PLEKHA7: variants seen among roughly 807,000 people sequenced by gnomAD.
The protein encoded by PLEKHA7 is pleckstrin homology domain-containing family A member 7.
Under a neutral mutation model 170.0 loss-of-function variants are expected in PLEKHA7, and 104 were observed. That is an observed-to-expected ratio of 0.61 (90% CI 0.52 to 0.72). The LOEUF is 0.72. PLEKHA7 is among the 30% of genes least tolerant of loss of function. PLEKHA7 has a pLI of 0.00. For missense variants in PLEKHA7, 1,615 were observed against 1,671.7 expected (o/e 0.97, Z 0.59); for synonymous variants, 648 against 660.8 (o/e 0.98, Z 0.30).
intron 3 of PLEKHA7, chr11:16,881,565 G>A (rs1215815268): frequency 6.6e-6 from 1 of 152,220 alleles, no homozygotes; most frequent in Non-Finnish European, 1.5e-5. Context: ...GGGAGCAGTG[G>A]CTAGAGGTAA....
intron 3 of PLEKHA7, among the ~76,000 whole-genome samples, chr11:16,959,512 A>G (rs1324296577): frequency 6.6e-6 from 1 of 152,204 alleles, no homozygotes; most frequent in Non-Finnish European, 1.5e-5. Flanking sequence ...TTTCAGGTTC[A>G]GCACCCAATG....
intron 8 of PLEKHA7, among the ~76,000 whole-genome samples, chr11:16,844,197 G>T (rs763761375): frequency 6.6e-6 from 1 of 152,176 alleles, no homozygotes; most frequent in Non-Finnish European, 1.5e-5. Context: ...AGCCAGCCTT[G>T]TCCAGGAAAT....
chr11:16,851,171 T>C lies in PLEKHA7; in HGVS notation c.696+20A>G. On this transcript the variant is annotated intron_variant, in intron 8 of 26. Coordinates refer to ENST00000531066, the MANE Select transcript of PLEKHA7 (RefSeq NM_001329630.2). ...AGTTTCTTAGACAGAATGGCTGCATTAGAGGTGCAGGGGCAGTACCTTAAA... is the reference window on the plus strand; with the variant it reads ...AGTTTCTTAGACAGAATGGCTGCATCAGAGGTGCAGGGGCAGTACCTTAAA... 1 of 1,544,530 alleles carries C rather than the reference T, an allele frequency of 6.5e-7. No individual in the cohort carries two copies.
intron 3 of PLEKHA7, among the ~76,000 whole-genome samples, chr11:16,964,330 C>A: frequency 6.6e-6 from 1 of 152,150 alleles, no homozygotes; most frequent in Non-Finnish European, 1.5e-5. Context: ...TGGGTATATA[C>A]CTAGACATGA....
At chr11:16,803,459 T>C (rs910008248) in intron 13 of PLEKHA7, 164 bp from the exon 14 acceptor site, 6 of 644,598 alleles carry the variant, frequency 9.3e-6, no homozygotes, top group African/African-American at 9.1e-5. Flanking sequence ...GCTATTTCTA[T>C]GCCTATTTCA....
chr11:16,970,873 C>A (rs1373169598), intron 3 of PLEKHA7, among the ~76,000 whole-genome samples: 2 of 152,174 alleles, frequency 1.3e-5, no homozygotes, highest in South Asian at 4.1e-4. Flanking sequence ...GTTAAACCTA[C>A]AGGATTATAA....
chr11:16,896,937 G>T (rs1187398281), intron 3 of PLEKHA7, among the ~76,000 whole-genome samples: 1 of 152,170 alleles, frequency 6.6e-6, no homozygotes, highest in African/African-American at 2.4e-5. Context: ...CACACGGAGA[G>T]AACTTTTACT....
In PLEKHA7 at chr11:16,816,954, G is replaced by C. The variant is rs772989794; in HGVS notation, c.1712C>G (p.Ser571Trp). Reference sequence around the variant, plus strand: ...TGGGGGTCCTGGGGGAGGGATGTCCGAGGGAGATGGAGGCACAGAGATGGA... The same window carrying C: ...TGGGGGTCCTGGGGGAGGGATGTCCCAGGGAGATGGAGGCACAGAGATGGA... ...PRSISVPPSP[S>W]DIPPPGPPRV... is the part of the protein sequence containing the mutation. Residue 571 changes from serine to tryptophan, a missense_variant, in exon 11 of 27, where the codon TCG becomes TGG. Physicochemically the swap from Ser to Trp is radical, Grantham distance 177 (BLOSUM62 -3). Transcript: ENST00000531066. The C allele has an allele frequency of 6.2e-7, 1 of 1,611,686 alleles. No individual in the cohort carries two copies. Among genetic ancestry groups the C allele is most frequent in the Admixed American group, 1.7e-5 (1 of 59,822 alleles).
chr11:16,914,911 G>C (rs1858524636), intron 3 of PLEKHA7, among the ~76,000 whole-genome samples: 1 of 152,152 alleles, frequency 6.6e-6, no homozygotes, highest in Admixed American at 6.5e-5. Context: ...CTCCTCAGCA[G>C]CCTCCAGCAT....
intron 9 of PLEKHA7, among the ~76,000 whole-genome samples, chr11:16,835,779 G>T (rs1055807068): frequency 6.6e-6 from 1 of 152,190 alleles, no homozygotes; most frequent in Non-Finnish European, 1.5e-5. Context: ...ACTAAGCACT[G>T]GGAGGAGATA....
intron 3 of PLEKHA7, among the ~76,000 whole-genome samples, chr11:16,871,463 A>G (rs958262719): frequency 6.6e-6 from 1 of 152,216 alleles, no homozygotes; most frequent in Non-Finnish European, 1.5e-5. Context: ...GAGACATTCC[A>G]TGAAGTACTT....
chr11:16,981,884 T>C (rs900212868), intron 3 of PLEKHA7, among the ~76,000 whole-genome samples: 58 of 152,200 alleles, frequency 3.8e-4, no homozygotes, highest in Non-Finnish European at 5.9e-4. Flanking sequence ...GGAGCCGGAA[T>C]GCAGGGTCCT....
chr11:16,799,975 T>C (rs1477156287), intron 17 of PLEKHA7, among the ~76,000 whole-genome samples: 2 of 152,118 alleles, frequency 1.3e-5, no homozygotes, highest in African/African-American at 2.4e-5. Context: ...ACTCCAGAAT[T>C]TCCTTCAACT....
intron 3 of PLEKHA7, among the ~76,000 whole-genome samples, chr11:16,894,815 C>T (rs1039841399): frequency 1.3e-5 from 2 of 152,062 alleles, no homozygotes; most frequent in African/African-American, 4.8e-5. Context: ...AAGAACCACA[C>T]AAGGTAAAAG....
At chr11:16,932,078 G>A (rs184277927) in intron 3 of PLEKHA7, among the ~76,000 whole-genome samples, 87 of 152,238 alleles carry the variant, frequency 5.7e-4, no homozygotes, top group Non-Finnish European at 9.4e-4. Context: ...ATAGATGTGA[G>A]TTAAAATCTA....
At chr11:16,902,722 AT>A (rs1389154847) in intron 3 of PLEKHA7, among the ~76,000 whole-genome samples, 1 of 152,218 alleles carries the variant, frequency 6.6e-6, no homozygotes, top group African/African-American at 2.4e-5. Flanking sequence ...TATTAGCTGA[AT>A]TATCCTAGGC....
intron 3 of PLEKHA7, among the ~76,000 whole-genome samples, chr11:17,001,334 TA>T (rs1281273111): frequency 6.6e-6 from 1 of 152,160 alleles, no homozygotes; most frequent in Non-Finnish European, 1.5e-5. Context: ...AGCCTCCAAT[TA>T]AACTGCTCCT....
intron 13 of PLEKHA7, among the ~76,000 whole-genome samples, chr11:16,805,801 AAAAAAACAAAAAC>A (rs1564934267): frequency 7.4e-6 from 1 of 135,150 alleles, no homozygotes; most frequent in African/African-American, 2.7e-5. Context: ...AAAAAAAAAA[AAAAAAACAAAAAC>A]AAAAACAAAA....
At chr11:17,012,835 G>A (rs1361716616) in intron 3 of PLEKHA7, among the ~76,000 whole-genome samples, 1 of 152,190 alleles carries the variant, frequency 6.6e-6, no homozygotes, top group African/African-American at 2.4e-5. Context: ...ATATGAGGCA[G>A]GGCAATAGAA....
Sources: gnomAD v4.1 joint callset for allele counts (sites outside exome capture counted in the v4.1 genomes callset) on GRCh38, gnomAD v4.1.1 for gene constraint, MANE v1.5 for transcripts, NCBI Gene and HGNC (gene_info 2026-07-23, HGNC 2026-07-21) for gene names.